MEOX2: variants seen among roughly 807,000 people sequenced by gnomAD.
MEOX2 encodes the protein homeobox protein MOX-2.
Under a neutral mutation model 27.0 loss-of-function variants are expected in MEOX2, and 11 were observed. The observed-to-expected ratio is 0.41, with a 90% CI of 0.26 to 0.68. The LOEUF is 0.68. Among genes scored for constraint, MEOX2 ranks in the 30% least tolerant of loss-of-function variants. The pLI is 0.33. For missense variants in MEOX2, 436 were observed against 385.4 expected (o/e 1.13, Z -1.10); for synonymous variants, 189 against 155.4 (o/e 1.22, Z -1.61).
rs1782388360 is a variant in MEOX2, at chr7:15,686,462, C to G, written c.-60G>C. The G allele has an allele frequency of 2.1e-6, 3 of 1,427,976 alleles. No homozygotes were observed. The highest frequency in any genetic ancestry group is 2.8e-5 in the South Asian group (2 of 72,512). The allele number at this position is 1,427,976 out of a possible 1,614,324, so 88.5% of individuals were successfully genotyped here. A position where few individuals can be genotyped will look rare whatever the true frequency, so the allele number is the denominator to read the frequency against. ...CACGGCGGTTCCAAAGGCCACCACC[C>G]TCTGTCACTTTTTCACTGGAAACCG... On this transcript the variant is annotated 5_prime_UTR_variant, in exon 1 of 3. Coordinates refer to ENST00000262041, the MANE Select transcript of MEOX2 (RefSeq NM_005924.5).
chr7:15,623,421 G>A (rs754999923), intron 2 of MEOX2, among the ~76,000 whole-genome samples: 2 of 152,174 alleles, frequency 1.3e-5, no homozygotes, highest in Non-Finnish European at 2.9e-5. Context: ...CCAGGCAGGA[G>A]TGCAGTGGTG....
chr7:15,629,905 A>T (rs1781375239), intron 1 of MEOX2, among the ~76,000 whole-genome samples: 1 of 151,974 alleles, frequency 6.6e-6, no homozygotes, highest in African/African-American at 2.4e-5. Context: ...TTTTTGCATC[A>T]GTTTCCATCT....
chr7:15,642,514 T>C (rs1562602997), intron 1 of MEOX2, among the ~76,000 whole-genome samples: 1 of 152,166 alleles, frequency 6.6e-6, no homozygotes. Flanking sequence ...GTCTTCTAAA[T>C]TGATTTTCTG....
intron 1 of MEOX2, among the ~76,000 whole-genome samples, chr7:15,682,638 TA>T (rs1345095598): frequency 6.6e-6 from 1 of 151,886 alleles, no homozygotes; most frequent in Non-Finnish European, 1.5e-5. Flanking sequence ...GCACAAAAGC[TA>T]AAGTTCGATC....
At chr7:15,666,699 C>T (rs916629398) in intron 1 of MEOX2, among the ~76,000 whole-genome samples, 4 of 132,868 alleles carry the variant, frequency 3.0e-5, no homozygotes, top group African/African-American at 1.2e-4. Flanking sequence ...TTGCAGTGAG[C>T]CGAGATCGTG....
intron 1 of MEOX2, among the ~76,000 whole-genome samples, chr7:15,676,637 G>A (rs755879567): frequency 1.1e-4 from 17 of 152,040 alleles, no homozygotes; most frequent in African/African-American, 1.9e-4. Flanking sequence ...TTGAGAGGCC[G>A]AGGTGGGCAG....
At chr7:15,643,147 T>G (rs537004153) in intron 1 of MEOX2, among the ~76,000 whole-genome samples, 1 of 152,298 alleles carries the variant, frequency 6.6e-6, no homozygotes, top group Non-Finnish European at 1.5e-5. Context: ...TGATGGGACA[T>G]GCAGTTTGAC....
At chr7:15,675,538 A>G (rs1047345669) in intron 1 of MEOX2, among the ~76,000 whole-genome samples, 1 of 152,268 alleles carries the variant, frequency 6.6e-6, no homozygotes, top group Non-Finnish European at 1.5e-5. Context: ...GGCTGAAGTC[A>G]GGATATGGAA....
chr7:15,628,151 T>C (rs185016183), intron 1 of MEOX2, among the ~76,000 whole-genome samples: 12 of 152,204 alleles, frequency 7.9e-5, no homozygotes, highest in Admixed American at 2.6e-4. Flanking sequence ...TTTTAGATTA[T>C]GTTTTTTTTC....
intron 1 of MEOX2, among the ~76,000 whole-genome samples, chr7:15,674,933 G>T (rs951551789): frequency 1.6e-4 from 25 of 152,072 alleles, no homozygotes; most frequent in African/African-American, 6.0e-4. Flanking sequence ...AAAATCAATG[G>T]TTTTCTAAAA....
At position 15,611,677 on chromosome 7, in the gene MEOX2, T is replaced by C. The variant is rs1000623969; in HGVS notation, c.*710A>G. The C allele has an allele frequency of 1.3e-5, 2 of 152,650 alleles. No homozygotes were observed. Among genetic ancestry groups the C allele is most frequent in the African/African-American group, 2.4e-5 (1 of 41,462 alleles). The allele number at this position is 152,650 out of a possible 1,614,324, so 9.5% of individuals were successfully genotyped here. A position where few individuals can be genotyped will look rare whatever the true frequency, so the allele number is the denominator to read the frequency against. ...CCTATCAGACTCTACTGTATTTTTC[T>C]CTACTTGAACACAGGTAAGCACATA... On this transcript the variant is annotated 3_prime_UTR_variant, in exon 3 of 3. Transcript: ENST00000262041.
At chr7:15,655,331 T>A (rs1371141446) in intron 1 of MEOX2, among the ~76,000 whole-genome samples, 1 of 151,652 alleles carries the variant, frequency 6.6e-6, no homozygotes, top group African/African-American at 2.4e-5. Context: ...AAGAACGAGC[T>A]TTTTATTTCA....
At chr7:15,651,821 A>G (rs564492941) in intron 1 of MEOX2, among the ~76,000 whole-genome samples, 1 of 152,184 alleles carries the variant, frequency 6.6e-6, no homozygotes, top group East Asian at 1.9e-4. Flanking sequence ...TTCCCTACTG[A>G]AAAACTTCAA....
chr7:15,664,377 T>G (rs918673022), intron 1 of MEOX2, among the ~76,000 whole-genome samples: 3 of 152,132 alleles, frequency 2.0e-5, no homozygotes, highest in African/African-American at 7.2e-5. Flanking sequence ...AAATTGCTAG[T>G]GAGAATATAT....
At chr7:15,672,944 A>T (rs1209498425) in intron 1 of MEOX2, among the ~76,000 whole-genome samples, 1 of 152,140 alleles carries the variant, frequency 6.6e-6, no homozygotes, top group African/African-American at 2.4e-5. Flanking sequence ...TATCAATTAG[A>T]CACAAACACA....
intron 1 of MEOX2, among the ~76,000 whole-genome samples, chr7:15,663,839 T>C (rs1211237758): frequency 6.6e-6 from 1 of 152,150 alleles, no homozygotes; most frequent in Non-Finnish European, 1.5e-5. Flanking sequence ...TTCCAATCAC[T>C]AAGCTGCTGG....
In MEOX2 at chr7:15,685,878, G is replaced by T. The variant is rs1358329382; in HGVS notation, c.517+8C>A. ...GCGCACTCTCGAGGGTGCCTGGCGC[G>T]CCCTTACCTGAGCTGTCGCTTTTCC... On this transcript the variant is annotated splice_region_variant and intron_variant, in intron 1 of 2. Transcript: ENST00000262041. 6.3e-7 allele frequency: 1 copy of T among 1,578,846 alleles called. No individual in the cohort carries two copies. Among genetic ancestry groups the T allele is most frequent in the Admixed American group, 1.8e-5 (1 of 56,518 alleles).
At chr7:15,660,582 A>C (rs1421062984) in intron 1 of MEOX2, among the ~76,000 whole-genome samples, 1 of 152,094 alleles carries the variant, frequency 6.6e-6, no homozygotes, top group Non-Finnish European at 1.5e-5. Flanking sequence ...GACTTGTGAC[A>C]ATTATTTGTC....
chr7:15,669,146 T>C (rs1782057477), intron 1 of MEOX2, among the ~76,000 whole-genome samples: 1 of 152,194 alleles, frequency 6.6e-6, no homozygotes, highest in East Asian at 1.9e-4. Flanking sequence ...AGTTTCAATA[T>C]AAAAGTAAAC....
Sources: gnomAD v4.1 joint callset for allele counts (sites outside exome capture counted in the v4.1 genomes callset) on GRCh38, gnomAD v4.1.1 for gene constraint, MANE v1.5 for transcripts, NCBI Gene and HGNC (gene_info 2026-07-23, HGNC 2026-07-21) for gene names.